OR9Q1: variants seen among roughly 807,000 people sequenced by gnomAD.
OR9Q1 encodes the protein olfactory receptor 9Q1.
For synonymous variants in OR9Q1, 153 were observed against 148.6 expected, an observed-to-expected ratio of 1.03 and a Z score of -0.22; for missense variants, 374 against 378.8, an observed-to-expected ratio of 0.99 and a Z score of 0.11.
In OR9Q1 at chr11:58,128,506, C is replaced by T. The variant is rs112215792; in HGVS notation, c.-14-50925C>T. 1.6e-4 allele frequency among the ~76,000 whole-genome samples: 25 copies of T among 152,056 alleles called. 1 individual carries two copies. Among genetic ancestry groups the T allele is most frequent in the South Asian group, 4.2e-4 (2 of 4,814 alleles). Reference sequence around the variant, plus strand: ...TCATTGATAATGAAATGACTGGTTACGTATTTGAGAAGTTTGAACAGTATC... The same window carrying T: ...TCATTGATAATGAAATGACTGGTTATGTATTTGAGAAGTTTGAACAGTATC... On this transcript the variant is annotated intron_variant, in intron 2 of 2. Coordinates refer to ENST00000335397, the MANE Select transcript of OR9Q1 (RefSeq NM_001005212.4).
At position 58,139,978 on chromosome 11, in the gene OR9Q1, A is replaced by G. The variant is rs535121217; in HGVS notation, c.-14-39453A>G. ...CTGACTTTTTAATGATCGCCATTCTAACTTGTGTGAGATGGTATCTCATTG... is the reference window on the plus strand; with the variant it reads ...CTGACTTTTTAATGATCGCCATTCTGACTTGTGTGAGATGGTATCTCATTG... On this transcript the variant is annotated intron_variant, in intron 2 of 2. Coordinates refer to ENST00000335397, the MANE Select transcript of OR9Q1 (RefSeq NM_001005212.4). Among the ~76,000 whole-genome samples the G allele has an allele frequency of 3.3e-5, 5 of 152,154 alleles. No individual in the cohort carries two copies. The East Asian group carries it at 9.7e-4, about 29-fold the overall frequency.
At chr11:58,170,511 A>G (rs1854544556) in intron 2 of OR9Q1, among the ~76,000 whole-genome samples, 1 of 152,134 alleles carries the variant, frequency 6.6e-6, no homozygotes, top group South Asian at 2.1e-4. Flanking sequence ...TGCTGTCAAA[A>G]TGATCATTTC....
At chr11:58,109,426 G>A (rs756276075) in intron 2 of OR9Q1, 22 of 459,692 alleles carry the variant, frequency 4.8e-5, no homozygotes, top group South Asian at 3.4e-4. Flanking sequence ...CAGAATCTGA[G>A]GGGTGATTAC....
At chr11:58,068,331 G>A (rs1296186830) in intron 2 of OR9Q1, among the ~76,000 whole-genome samples, 1 of 150,910 alleles carries the variant, frequency 6.6e-6, no homozygotes. Context: ...GGGTGACAGA[G>A]TGAGACTCTG....
intron 2 of OR9Q1, among the ~76,000 whole-genome samples, chr11:58,173,836 CA>C (rs760975945): frequency 3.8e-4 from 58 of 152,230 alleles, no homozygotes; most frequent in Non-Finnish European, 6.6e-4. Context: ...TTCACCAATA[CA>C]TTTTGGGTAT....
chr11:58,087,746 T>A (rs1026956230), intron 2 of OR9Q1, among the ~76,000 whole-genome samples: 6 of 151,448 alleles, frequency 4.0e-5, no homozygotes, highest in African/African-American at 1.2e-4. Context: ...CCCCGGTGTG[T>A]GAGGTTCCCC....
intron 2 of OR9Q1, among the ~76,000 whole-genome samples, chr11:58,172,598 C>T (rs1213551453): frequency 1.3e-5 from 2 of 152,052 alleles, no homozygotes; most frequent in Non-Finnish European, 2.9e-5. Flanking sequence ...TCCCAAGATC[C>T]CTGGCTCCAG....
At chr11:58,101,449 A>G (rs1853782648) in intron 2 of OR9Q1, among the ~76,000 whole-genome samples, 1 of 152,082 alleles carries the variant, frequency 6.6e-6, no homozygotes, top group African/African-American at 2.4e-5. Context: ...AGAAATGTCT[A>G]TTCATGTCAT....
At chr11:58,091,969 C>CA (rs1565073897) in intron 2 of OR9Q1, among the ~76,000 whole-genome samples, 1 of 141,572 alleles carries the variant, frequency 7.1e-6, no homozygotes, top group Non-Finnish European at 1.5e-5. Flanking sequence ...CAACCCTTGC[C>CA]TTTTTTTTTT....
chr11:58,098,931 C>A (rs1853757546), intron 2 of OR9Q1, among the ~76,000 whole-genome samples: 1 of 152,004 alleles, frequency 6.6e-6, no homozygotes, highest in Non-Finnish European at 1.5e-5. Flanking sequence ...TTTCCTATTC[C>A]TATGCATGGT....
chr11:58,094,999 G>T (rs1853717008), intron 2 of OR9Q1, among the ~76,000 whole-genome samples: 1 of 152,188 alleles, frequency 6.6e-6, no homozygotes, highest in African/African-American at 2.4e-5. Flanking sequence ...CGTCAATTTT[G>T]TTGAGTAACA....
chr11:58,027,587 G>A (rs1483074442), intron 1 of OR9Q1, among the ~76,000 whole-genome samples: 3 of 152,142 alleles, frequency 2.0e-5, no homozygotes, highest in Non-Finnish European at 2.9e-5. Flanking sequence ...GGTAATCCCT[G>A]CTCCAGGAAG....
chr11:58,099,166 C>A (rs890295743), intron 2 of OR9Q1, among the ~76,000 whole-genome samples: 1 of 151,358 alleles, frequency 6.6e-6, no homozygotes, highest in African/African-American at 2.4e-5. Context: ...TGTAGCATTT[C>A]CTATATATCA....
intron 2 of OR9Q1, among the ~76,000 whole-genome samples, chr11:58,091,190 C>T (rs180940398): frequency 6.3e-4 from 95 of 151,936 alleles, no homozygotes; most frequent in Non-Finnish European, 7.2e-4. Flanking sequence ...TGCTAGCTTT[C>T]GAATGTGTTT....
intron 1 of OR9Q1, chr11:58,031,362 G>C: frequency 6.2e-7 from 1 of 1,614,136 alleles, no homozygotes; most frequent in East Asian, 2.2e-5. Flanking sequence ...CTCCACTATG[G>C]GGCTTTTGTG....
intron 2 of OR9Q1, among the ~76,000 whole-genome samples, chr11:58,079,660 G>C (rs910156860): frequency 1.3e-5 from 2 of 152,048 alleles, no homozygotes; most frequent in African/African-American, 4.8e-5. Flanking sequence ...TGCATTTTTG[G>C]AATCATGAGA....
chr11:58,134,442 A>G (rs1854172090), intron 2 of OR9Q1, among the ~76,000 whole-genome samples: 1 of 152,112 alleles, frequency 6.6e-6, no homozygotes, highest in Admixed American at 6.6e-5. Context: ...CTCTTACCTC[A>G]TCTCTAGGAT....
chr11:58,157,340 G>C (rs1340973898), intron 2 of OR9Q1, among the ~76,000 whole-genome samples: 1 of 152,106 alleles, frequency 6.6e-6, no homozygotes, highest in Non-Finnish European at 1.5e-5. Flanking sequence ...ATTGCTCGTA[G>C]CTTTATGTAT....
chr11:58,042,108 T>C (rs1258096918), intron 1 of OR9Q1, among the ~76,000 whole-genome samples: 1 of 152,242 alleles, frequency 6.6e-6, no homozygotes, highest in Non-Finnish European at 1.5e-5. Flanking sequence ...TTTTAAACCG[T>C]GCTACCCTTC....
Sources: allele counts gnomAD v4.1 joint callset (sites outside exome capture counted in the v4.1 genomes callset), GRCh38; gene constraint gnomAD v4.1.1; transcripts MANE v1.5; gene names NCBI Gene and HGNC (gene_info 2026-07-23, HGNC 2026-07-21).